Variants in LYPD5 observed in about 807,000 individuals in gnomAD.
LYPD5 encodes the protein LY6/PLAUR domain containing 5.
LYPD5 carries 21 observed loss-of-function variants against 19.1 expected under a neutral mutation model. The ratio of observed to expected loss-of-function variants is 1.10; its 90% CI spans 0.78 to 1.58. LYPD5 has a LOEUF of 1.58. Ranked by LOEUF, LYPD5 falls within the 40% of genes most tolerant of loss-of-function variation. The pLI is 0.00. For synonymous variants in LYPD5, 128 were observed against 142.7 expected, an observed-to-expected ratio of 0.90 and a Z score of 0.74; for missense variants, 287 against 329.8, an observed-to-expected ratio of 0.87 and a Z score of 1.00.
chr19:43,798,904 A>G lies in LYPD5; in HGVS notation c.278T>C (p.Leu93Pro), dbSNP rs1970177612. Residue 93 changes from leucine to proline, a missense_variant, in exon 3 of 5, where the codon CTG (leucine) becomes CCG (proline). Physicochemically the swap from Leu to Pro is moderately conservative, Grantham distance 98. Coordinates refer to ENST00000377950, the MANE Select transcript of LYPD5 (RefSeq NM_001031749.3). ...AGQTQSNADA[L>P]PPDYSVVRGC... ...GCGCACCACCGAGTAGTCTGGCGGC[A>G]GCGCGTCCGCGTTCGATTGCGTCTG... 8 of 1,601,346 alleles carry G rather than the reference A, an allele frequency of 5.0e-6. No individual in the cohort carries two copies. The highest frequency in any genetic ancestry group is 6.0e-6 in the Non-Finnish European group (7 of 1,174,414).
chr19:43,802,173 CCTCCTCCCT>C, intron 1 of LYPD5, 135 bp downstream of exon 1: 2 of 631,182 alleles, frequency 3.2e-6, no homozygotes, highest in Non-Finnish European at 5.5e-6. Context: ...CCCCCAGCCC[CCTCCTCCCT>C]CAGACCCAGG....
intron 1 of LYPD5, among the ~76,000 whole-genome samples, chr19:43,811,610 T>C (rs913964057): frequency 6.6e-6 from 1 of 151,766 alleles, no homozygotes; most frequent in African/African-American, 2.4e-5. Context: ...GGCTTGGACC[T>C]GGAAGGCGGA....
At position 43,799,820 on chromosome 19, in the gene LYPD5, G is replaced by T. The variant is rs200873630; in HGVS notation, c.79C>A (p.Gln27Lys). 77 of 1,612,198 alleles carry T rather than the reference G, an allele frequency of 4.8e-5. No homozygotes were observed. Among genetic ancestry groups the T allele is most frequent in the Non-Finnish European group, 5.4e-5 (64 of 1,179,330 alleles). The stretch of plus-strand genomic sequence containing the variant: ...TAGGTGTGCTCAAAGCTGTAGCACT[G>T]CAGGGCTTGGGACCCTGGGGAGAGA... ...ALCLTGSQAL[Q>K]CYSFEHTYFG... The change falls in exon 2 of 5, where the codon CAG (glutamine) becomes AAG (lysine). Residue 27 changes from glutamine to lysine, a missense_variant. Physicochemically the swap from Gln to Lys is moderately conservative, Grantham distance 53. Coordinates refer to ENST00000377950, the MANE Select transcript of LYPD5 (RefSeq NM_001031749.3).
upstream of LYPD5, chr19:43,802,554 C>CA: frequency 1.2e-5 from 7 of 579,694 alleles, no homozygotes; most frequent in Middle Eastern, 4.2e-4. Flanking sequence ...CAGGGTGATC[C>CA]TCAGTTGCTG....
At chr19:43,804,577 T>C (rs2146499010), upstream of LYPD5, among the ~76,000 whole-genome samples, 1 of 152,358 alleles carries the variant, frequency 6.6e-6, no homozygotes, top group Non-Finnish European at 1.5e-5. Flanking sequence ...CTGTGCAATT[T>C]TTCTTTGACA....
intron 1 of LYPD5, among the ~76,000 whole-genome samples, chr19:43,814,310 A>G (rs1399441902): frequency 6.6e-6 from 1 of 152,156 alleles, no homozygotes; most frequent in East Asian, 1.9e-4. Context: ...TGGGCAACAT[A>G]GGGAGACCCC....
At chr19:43,806,075 C>T (rs1385571034), upstream of LYPD5, among the ~76,000 whole-genome samples, 1 of 152,140 alleles carries the variant, frequency 6.6e-6, no homozygotes, top group East Asian at 1.9e-4. Context: ...GGATCCCCAA[C>T]CCCCGGGGCC....
intron 4 of LYPD5, 28 bp from the exon 5 acceptor site, chr19:43,797,857 G>T: frequency 1.9e-6 from 3 of 1,540,084 alleles, no homozygotes; most frequent in South Asian, 2.2e-5. Flanking sequence ...AGTGAGGAAC[G>T]GTCAGAACTG....
upstream of LYPD5, among the ~76,000 whole-genome samples, chr19:43,804,834 G>T (rs941550871): frequency 2.0e-5 from 3 of 152,202 alleles, no homozygotes; most frequent in Non-Finnish European, 2.9e-5. Flanking sequence ...TGAAGCCCCC[G>T]TGGAAGGTGG....
At chr19:43,814,164 T>C (rs560786396) in intron 1 of LYPD5, among the ~76,000 whole-genome samples, 13 of 152,116 alleles carry the variant, frequency 8.5e-5, no homozygotes, top group Non-Finnish European at 1.5e-4. Context: ...CAGGAGCCCA[T>C]GTATATCTGC....
intron 1 of LYPD5, chr19:43,815,830 C>T (rs1970368253): frequency 9.0e-6 from 3 of 334,208 alleles, no homozygotes; most frequent in South Asian, 5.1e-5. Flanking sequence ...CTCTGCTTCC[C>T]GACTTCAAGC....
At position 43,799,800 on chromosome 19, in the gene LYPD5, G is replaced by T. The variant is rs987702535; in HGVS notation, c.99C>A (p.His33Gln). 3 of 1,613,626 alleles carry T rather than the reference G, an allele frequency of 1.9e-6. No individual in the cohort carries two copies. Among genetic ancestry groups the T allele is most frequent in the Non-Finnish European group, 2.5e-6 (3 of 1,179,868 alleles). ...SQALQCYSFE[H>Q]TYFGPFDLRA... ...TGAGGTCAAAGGGGCCAAAGTAGGT[G>T]TGCTCAAAGCTGTAGCACTGCAGGG... is the stretch of plus-strand genomic sequence containing the variant. The change falls in exon 2 of 5, where the codon CAC (histidine) becomes CAA (glutamine). Residue 33 changes from histidine (H) to glutamine (Q), a missense_variant. His to Gln is a conservative substitution (Grantham distance 24, BLOSUM62 0). Transcript: ENST00000377950.
chr19:43,819,525 A>G (rs1020848007), intron 1 of LYPD5, among the ~76,000 whole-genome samples: 1 of 151,758 alleles, frequency 6.6e-6, no homozygotes, highest in African/African-American at 2.4e-5. Context: ...TCCTTTTTCT[A>G]AGTAGCTTAA....
At chr19:43,819,283 C>CTTCT (rs1555729764) in intron 1 of LYPD5, among the ~76,000 whole-genome samples, 18 of 110,516 alleles carry the variant, frequency 1.6e-4, no homozygotes, top group Non-Finnish European at 2.0e-4. Context: ...TCTTCTTCTT[C>CTTCT]TTTTTTTTTT....
intron 1 of LYPD5, among the ~76,000 whole-genome samples, chr19:43,810,342 C>T (rs977277749): frequency 1.3e-4 from 19 of 151,594 alleles, no homozygotes; most frequent in Admixed American, 1.2e-3. Flanking sequence ...GTTATATAGT[C>T]GTGTGTTTTT....
At chr19:43,808,752 T>C (rs1970292665) in intron 1 of LYPD5, among the ~76,000 whole-genome samples, 1 of 152,230 alleles carries the variant, frequency 6.6e-6, no homozygotes, top group Non-Finnish European at 1.5e-5. Flanking sequence ...ATGATCCACT[T>C]TGTTTCATAA....
chr19:43,816,515 C>A (rs909166314), intron 1 of LYPD5, among the ~76,000 whole-genome samples: 2 of 152,194 alleles, frequency 1.3e-5, no homozygotes, highest in Admixed American at 1.3e-4. Flanking sequence ...TTTTAATTCT[C>A]CTAAATGTCA....
At chr19:43,809,681 T>G (rs1165084809) in intron 1 of LYPD5, among the ~76,000 whole-genome samples, 1 of 152,244 alleles carries the variant, frequency 6.6e-6, no homozygotes, top group East Asian at 1.9e-4. Context: ...CGTGAGCCAC[T>G]GTGCCTGGCC....
chr19:43,816,091 A>T lies in LYPD5; in HGVS notation c.-66+4449T>A, dbSNP rs117576695. Among the ~76,000 whole-genome samples the T allele has an allele frequency of 2.2e-3, 323 of 149,926 alleles. 7 individuals are homozygous for T. Among genetic ancestry groups the T allele is most frequent in the East Asian group, 0.02 (106 of 5,184 alleles). ...CTATCTATCTATCTACCTATCATGT[A>T]TCTATCACTTTCAAATGTCAAAGAG... On this transcript the variant is annotated intron_variant, in intron 1 of 4. Coordinates refer to the LYPD5 transcript ENST00000414615.
Sources: allele counts gnomAD v4.1 joint callset (sites outside exome capture counted in the v4.1 genomes callset), GRCh38; gene constraint gnomAD v4.1.1; transcripts MANE v1.5; gene names NCBI Gene and HGNC (gene_info 2026-07-23, HGNC 2026-07-21).